The following LRPPRC variants were observed in gnomAD, a reference collection of about 807,000 sequenced individuals.
The protein encoded by LRPPRC is leucine rich pentatricopeptide repeat containing.
In LRPPRC, 120 loss-of-function variants were observed where a neutral mutation model predicts 180.3. The observed-to-expected ratio is 0.67, with a 90% CI of 0.57 to 0.77. LRPPRC has a LOEUF of 0.77. Ranked by LOEUF, LRPPRC falls within the 30% of genes least tolerant of loss-of-function variation. The probability of loss-of-function intolerance (pLI) is 0.00; values close to 1 mark genes in which losing one functional copy is unlikely to be tolerated. For missense variants in LRPPRC, 2,012 were observed against 1,657.2 expected (o/e 1.21, Z -3.72); for synonymous variants, 723 against 600.0 (o/e 1.21, Z -3.00).
intron 11 of LRPPRC, among the ~76,000 whole-genome samples, chr2:43,967,829 T>A (rs868628653): frequency 1.4e-4 from 21 of 152,322 alleles, no homozygotes; most frequent in African/African-American, 4.8e-4. Flanking sequence ...TTTAAACTAT[T>A]CCTCTAATAA....
chr2:43,969,183 C>A (rs977887129), intron 11 of LRPPRC, among the ~76,000 whole-genome samples: 1 of 152,094 alleles, frequency 6.6e-6, no homozygotes, highest in Non-Finnish European at 1.5e-5. Flanking sequence ...GAGGCCGAGG[C>A]GGGTGGATCA....
intron 34 of LRPPRC, among the ~76,000 whole-genome samples, chr2:43,897,998 CACGT>C (rs1370616659): frequency 1.5e-4 from 22 of 144,810 alleles, no homozygotes. Context: ...TTTTTTTCAC[CACGT>C]AAGATAGCAA....
chr2:43,945,597 A>T (rs1222797988), intron 21 of LRPPRC, among the ~76,000 whole-genome samples, 180 bp from the exon 22 acceptor site: 2 of 152,080 alleles, frequency 1.3e-5, no homozygotes, highest in East Asian at 3.8e-4. Flanking sequence ...ATTATATTCA[A>T]AGTGACTAGT....
In LRPPRC at chr2:43,888,639, A is replaced by G. The variant is rs1572881190; in HGVS notation, c.4146T>C (p.Tyr1382=). The G allele has an allele frequency of 3.1e-6, 5 of 1,599,182 alleles. No individual in the cohort carries two copies. The African/African-American group carries it at 5.4e-5, about 17-fold the overall frequency. ...FIEPPESFEF[Y]AQQLRKLREN... ...CCCTCAATTTTCTTAGCTGCTGTGC[A>G]TAAAATTCAAAGCTTTCCTGTTAAG... The change falls in exon 38 of 38, where the codon TAT becomes TAC. Residue 1382 remains tyrosine (Y), a synonymous_variant. Coordinates refer to ENST00000260665, the MANE Select transcript of LRPPRC (RefSeq NM_133259.4).
chr2:43,982,197 C>T (rs1353213690), intron 2 of LRPPRC, 41 bp downstream of exon 2: 1 of 1,447,574 alleles, frequency 6.9e-7, no homozygotes. Context: ...CCACTGTGAC[C>T]AGCCAAAAGT....
intron 30 of LRPPRC, 60 bp from the exon 31 acceptor site, chr2:43,905,840 G>T: frequency 9.6e-7 from 1 of 1,046,744 alleles, no homozygotes; most frequent in Non-Finnish European, 1.5e-6. Context: ...GATAATAAAT[G>T]GTTGAGCACC....
At chr2:43,900,342 T>G (rs975833771) in intron 32 of LRPPRC, among the ~76,000 whole-genome samples, 1 of 152,148 alleles carries the variant, frequency 6.6e-6, no homozygotes, top group African/African-American at 2.4e-5. Context: ...CTAAATCCAA[T>G]CAGTCAATAT....
At chr2:43,956,335 G>T (rs1673112908) in intron 14 of LRPPRC, among the ~76,000 whole-genome samples, 1 of 152,160 alleles carries the variant, frequency 6.6e-6, no homozygotes, top group South Asian at 2.1e-4. Flanking sequence ...ATATCAGATG[G>T]TGGTACAGTA....
chr2:43,918,487 G>T, intron 27 of LRPPRC, 89 bp from the exon 28 acceptor site: 1 of 1,016,000 alleles, frequency 9.8e-7, no homozygotes, highest in Non-Finnish European at 1.5e-6. Context: ...ATTTGATGTT[G>T]AAGAAAGCAT....
At position 43,995,738 on chromosome 2, in the gene LRPPRC, C is replaced by A; in HGVS notation, c.149+61G>T. On this transcript the variant is annotated intron_variant, in intron 1 of 37. Coordinates refer to ENST00000260665, the MANE Select transcript of LRPPRC (RefSeq NM_133259.4). ...AGGCAGGACCCGGTCCCTGCCGGCA[C>A]CCACGACCCCGGGGGACCCTGGCGC... 1.3e-5 allele frequency: 18 copies of A among 1,338,164 alleles called. 2 individuals carry two copies. In the South Asian group the frequency reaches 3.4e-4, roughly 26 times the overall value. 82.9% of individuals were successfully genotyped at this position (1,338,164 alleles called of 1,614,324 possible).
chr2:43,969,178 C>T (rs1228776120), intron 11 of LRPPRC, among the ~76,000 whole-genome samples: 2 of 152,040 alleles, frequency 1.3e-5, no homozygotes, highest in East Asian at 1.9e-4. Context: ...TTTGGGAGGC[C>T]GAGGCGGGTG....
chr2:43,962,796 A>G (rs1371391187), intron 12 of LRPPRC, among the ~76,000 whole-genome samples: 2 of 152,196 alleles, frequency 1.3e-5, no homozygotes, highest in African/African-American at 4.8e-5. Context: ...ATGGGAAGTG[A>G]AAAATAATAT....
intron 27 of LRPPRC, among the ~76,000 whole-genome samples, chr2:43,922,504 T>A (rs772310460): frequency 3.9e-5 from 6 of 152,182 alleles, no homozygotes; most frequent in African/African-American, 1.4e-4. Flanking sequence ...AAATATGGAT[T>A]TTTAAAAAGC....
At chr2:43,974,792 T>G in intron 7 of LRPPRC, 34 bp from the exon 8 acceptor site, 1 of 1,602,412 alleles carries the variant, frequency 6.2e-7, no homozygotes, top group Non-Finnish European at 8.5e-7. Context: ...AAGACAAAGT[T>G]AGAGTGTTTT....
At chr2:43,963,427 A>T in intron 12 of LRPPRC, 161 bp downstream of exon 12, 1 of 660,924 alleles carries the variant, frequency 1.5e-6, no homozygotes, top group Non-Finnish European at 2.7e-6. Context: ...CTGGGCAATG[A>T]GAGAGAAACT....
At chr2:43,979,391 G>T (rs558003328) in intron 3 of LRPPRC, among the ~76,000 whole-genome samples, 5 of 151,946 alleles carry the variant, frequency 3.3e-5, no homozygotes, top group African/African-American at 1.2e-4. Flanking sequence ...CTATTTTACG[G>T]GTACTCCATA....
At chr2:43,924,330 A>G (rs1671800703) in intron 27 of LRPPRC, among the ~76,000 whole-genome samples, 1 of 152,228 alleles carries the variant, frequency 6.6e-6, no homozygotes, top group East Asian at 1.9e-4. Context: ...TAAAAGTACT[A>G]GAGCATTGTT....
At chr2:43,963,927 C>T (rs560378190) in intron 11 of LRPPRC, 2 of 579,528 alleles carry the variant, frequency 3.5e-6, no homozygotes, top group East Asian at 2.9e-5. Context: ...TTTCAAGAAA[C>T]TATCCTTGAA....
intron 1 of LRPPRC, among the ~76,000 whole-genome samples, chr2:43,985,228 T>C (rs1366886797): frequency 6.6e-6 from 1 of 152,194 alleles, no homozygotes; most frequent in Non-Finnish European, 1.5e-5. Context: ...TTTAGGTTTA[T>C]AGAAAAATTG....
Sources: allele counts gnomAD v4.1 joint callset (sites outside exome capture counted in the v4.1 genomes callset), GRCh38; gene constraint gnomAD v4.1.1; transcripts MANE v1.5; gene names NCBI Gene and HGNC (gene_info 2026-07-23, HGNC 2026-07-21).